Variants in DNAJA2 observed in about 807,000 individuals in gnomAD.
DNAJA2 encodes the protein DnaJ heat shock protein family (Hsp40) member A2, also known as dnaJ homolog subfamily A member 2.
DNAJA2 carries 6 observed loss-of-function variants against 49.3 expected under a neutral mutation model. That is an observed-to-expected ratio of 0.12 (90% CI 0.07 to 0.24). DNAJA2 has a LOEUF of 0.24. Ranked by LOEUF, DNAJA2 falls within the 10% of genes least tolerant of loss-of-function variation. The pLI, the probability that DNAJA2 is intolerant of heterozygous loss-of-function variation, is 1.00. For synonymous variants in DNAJA2, 160 were observed against 172.7 expected, an observed-to-expected ratio of 0.93 and a Z score of 0.58; for missense variants, 347 against 516.8, an observed-to-expected ratio of 0.67 and a Z score of 3.19.
At chr16:46,959,672 C>G in intron 6 of DNAJA2, 1 of 377,940 alleles carries the variant, frequency 2.6e-6, no homozygotes, top group Non-Finnish European at 4.8e-6. Flanking sequence ...AGAACTGAGG[C>G]CCTCAAAACA....
rs139690320 is a variant in DNAJA2 at position 46,964,940 on chromosome 16, C to A, written c.578-133G>T. 1,224 of 743,652 alleles carry A rather than the reference C, an allele frequency of 1.6e-3. 9 individuals are homozygous for A. The East Asian group carries it at 0.018, about 11-fold the overall frequency. The allele number at this position is 743,652 out of a possible 1,614,324, so 46.1% of individuals were successfully genotyped here. On this transcript the variant is annotated intron_variant, in intron 5 of 8. Coordinates refer to ENST00000317089, the MANE Select transcript of DNAJA2 (RefSeq NM_005880.4). ...TTTTATTCAAAGCAGCATTCTGAGG[C>A]CAAGCACAGTGGCTCAAGCCTGCAA...
chr16:46,958,784 A>AT (rs1961853722), intron 8 of DNAJA2: 5 of 441,760 alleles, frequency 1.1e-5, no homozygotes, highest in Non-Finnish European at 1.6e-5. Context: ...GTCTCAAAAA[A>AT]TTTTTTTTAA....
Position 46,959,289 on chromosome 16 carries a change from T to C in DNAJA2, c.905A>G (p.Lys302Arg), listed in dbSNP as rs1034831455. 6.2e-7 allele frequency: 1 copy of C among 1,613,024 alleles called. No individual in the cohort carries two copies. Among genetic ancestry groups the C allele is most frequent in the East Asian group, 2.2e-5 (1 of 44,852 alleles). Residue 302 changes from lysine (K) to arginine (R), a missense_variant, in exon 7 of 9, where the codon AAA becomes AGA. By Grantham distance (26) the Lys-to-Arg change is conservative. Transcript: ENST00000317089. ...TCAAGATTTACCTGGTTCAATTACT[T>C]TGCCAGGGGGGTATTTCACCACAAT... ...RQIVVKYPPG[K>R]VIEPGCVRVV...
At chr16:46,965,741 G>C (rs1961959834) in intron 5 of DNAJA2, among the ~76,000 whole-genome samples, 1 of 149,938 alleles carries the variant, frequency 6.7e-6, no homozygotes, top group African/African-American at 2.5e-5. Context: ...CGAGGCAGCA[G>C]AATCACTTGA....
Position 46,973,543 on chromosome 16 carries a change from G to A in DNAJA2, c.30C>T (p.Tyr10=), listed in dbSNP as rs781019526. 1 of 1,602,258 alleles carries A rather than the reference G, an allele frequency of 6.2e-7. No individual in the cohort carries two copies. The highest frequency in any genetic ancestry group is 8.5e-7 in the Non-Finnish European group (1 of 1,177,682). ...CGCCGGGCGGGACGCCCAGGATGTCGTACAGCTTCGTGTCAGCCACGTTAG... is the reference window on the plus strand; with the variant it reads ...CGCCGGGCGGGACGCCCAGGATGTCATACAGCTTCGTGTCAGCCACGTTAG... MANVADTKL[Y]DILGVPPGAS... The change falls in exon 1 of 9, where the codon TAC becomes TAT. Residue 10 remains tyrosine (Y), a synonymous_variant. Coordinates refer to ENST00000317089, the MANE Select transcript of DNAJA2 (RefSeq NM_005880.4).
intron 6 of DNAJA2, among the ~76,000 whole-genome samples, chr16:46,961,089 T>C (rs1181029474): frequency 6.6e-6 from 1 of 152,150 alleles, no homozygotes; most frequent in Non-Finnish European, 1.5e-5. Flanking sequence ...TTACCAAATA[T>C]CCTTTGTTAA....
At chr16:46,970,722 C>A (rs1275010889) in intron 3 of DNAJA2, among the ~76,000 whole-genome samples, 1 of 12,484 alleles carries the variant, frequency 8.0e-5, no homozygotes. Flanking sequence ...GCGACAGGGA[C>A]TCCATTTCAA....
chr16:46,964,933 T>C (rs1961947481), intron 5 of DNAJA2, 126 bp from the exon 6 acceptor site: 1 of 807,302 alleles, frequency 1.2e-6, no homozygotes, highest in East Asian at 2.8e-5. Flanking sequence ...AAAGCAGCAT[T>C]CTGAGGCCAA....
chr16:46,967,337 T>C (rs771301175), intron 5 of DNAJA2, among the ~76,000 whole-genome samples, 176 bp downstream of exon 5: 2 of 152,130 alleles, frequency 1.3e-5, no homozygotes, highest in Admixed American at 1.3e-4. Context: ...GCTCGAGCAA[T>C]CCACCTCTGT....
chr16:46,964,811 G>T lies in DNAJA2; in HGVS notation c.578-4C>A, dbSNP rs186234508. On this transcript the variant is annotated splice_region_variant and splice_polypyrimidine_tract_variant and intron_variant, in intron 5 of 8. Transcript: ENST00000317089. ...TCTTTTTCATTAATTACCTCTCCTGGAAAGAGAAGTCATTGAAACTTTCAG... is the reference window on the plus strand; with the variant it reads ...TCTTTTTCATTAATTACCTCTCCTGTAAAGAGAAGTCATTGAAACTTTCAG... 6.2e-7 allele frequency: 1 copy of T among 1,610,784 alleles called. No homozygotes were observed. Among genetic ancestry groups the T allele is most frequent in the Admixed American group, 1.7e-5 (1 of 59,422 alleles).
intron 6 of DNAJA2, among the ~76,000 whole-genome samples, chr16:46,964,011 G>A (rs1961934720): frequency 6.6e-6 from 1 of 152,154 alleles, no homozygotes; most frequent in South Asian, 2.1e-4. Context: ...GGTGGAGGCT[G>A]CAGTGAGCCA....
intron 8 of DNAJA2, among the ~76,000 whole-genome samples, chr16:46,958,210 C>A (rs1961843512): frequency 6.6e-6 from 1 of 151,936 alleles, no homozygotes; most frequent in African/African-American, 2.4e-5. Flanking sequence ...AAGCCATGAT[C>A]ATGCCACTGC....
chr16:46,955,549 C>T lies in DNAJA2; in HGVS notation c.*1480G>A, dbSNP rs1165696404. On this transcript the variant is annotated 3_prime_UTR_variant, in exon 9 of 9. Coordinates refer to ENST00000317089, the MANE Select transcript of DNAJA2 (RefSeq NM_005880.4). ...GAGTGGATAGGTCAATAATTTAAAC[C>T]TCACAGGACTTGATTAGTGTCAGCA... The T allele has an allele frequency of 1.3e-5, 2 of 152,110 alleles. No homozygotes were observed. Among genetic ancestry groups the T allele is most frequent in the African/African-American group, 2.4e-5 (1 of 41,424 alleles). The allele number at this position is 152,110 out of a possible 1,614,324, so 9.4% of individuals were successfully genotyped here.
chr16:46,958,837 T>C, intron 8 of DNAJA2, 166 bp downstream of exon 8: 1 of 701,930 alleles, frequency 1.4e-6, no homozygotes. Flanking sequence ...CCCAGCTCCT[T>C]GGGGGCTGAG....
intron 3 of DNAJA2, among the ~76,000 whole-genome samples, chr16:46,969,495 A>T (rs1247530918): frequency 3.9e-5 from 6 of 152,362 alleles, no homozygotes; most frequent in Non-Finnish European, 8.8e-5. Flanking sequence ...ACACATCTCA[A>T]CAAAGAAGGC....
chr16:46,964,988 G>A (rs1344619581), intron 5 of DNAJA2, among the ~76,000 whole-genome samples, 181 bp from the exon 6 acceptor site: 1 of 152,096 alleles, frequency 6.6e-6, no homozygotes, highest in Admixed American at 6.6e-5. Flanking sequence ...GCGAGGTCAG[G>A]GTGGTAGGAT....
At position 46,959,139 on chromosome 16, in the gene DNAJA2, T is replaced by C; in HGVS notation, c.920-9A>G. ...AACTACACGAACACACCCTATTATT[T>C]AAGAGGAAATGATTAATAATTTTAC... On this transcript the variant is annotated splice_polypyrimidine_tract_variant and intron_variant, in intron 7 of 8. Transcript: ENST00000317089. 6.3e-7 allele frequency: 1 copy of C among 1,590,740 alleles called. No homozygotes were observed. Among genetic ancestry groups the C allele is most frequent in the Non-Finnish European group, 8.6e-7 (1 of 1,168,522 alleles).
chr16:46,973,631 G>A lies in DNAJA2; in HGVS notation c.-59C>T, dbSNP rs1180921449. ...GGCGAAGCAGACAGAGCGGAGTCGG[G>A]CCCACAAGCGGCGTCGGCGGCGGCA... On this transcript the variant is annotated 5_prime_UTR_variant, in exon 1 of 9. Coordinates refer to ENST00000317089, the MANE Select transcript of DNAJA2 (RefSeq NM_005880.4). 2.6e-6 allele frequency: 4 copies of A among 1,543,980 alleles called. No homozygotes were observed. The highest frequency in any genetic ancestry group is 1.1e-5 in the South Asian group (1 of 87,152).
rs1411093299 is a variant in DNAJA2 at position 46,956,449 on chromosome 16, AAAAG to A, written c.*576_*579del. The A allele has an allele frequency of 1.3e-5, 2 of 151,974 alleles. No homozygotes were observed. Among genetic ancestry groups the A allele is most frequent in the African/African-American group, 2.4e-5 (1 of 41,370 alleles). The allele number at this position is 151,974 out of a possible 1,614,324, so 9.4% of individuals were successfully genotyped here. A position where few individuals can be genotyped will look rare whatever the true frequency, so the allele number is the denominator to read the frequency against. On this transcript the variant is annotated 3_prime_UTR_variant, in exon 9 of 9. Transcript: ENST00000317089. ...TTTCACAAGATGGTAAAAAAAAAAA[AAAAG>A]AAAAAAGAAAAAAAAAACAAAACCA...
Sources: allele counts gnomAD v4.1 joint callset (sites outside exome capture counted in the v4.1 genomes callset), GRCh38; gene constraint gnomAD v4.1.1; transcripts MANE v1.5; gene names NCBI Gene and HGNC (gene_info 2026-07-23, HGNC 2026-07-21).